Variants in GALNTL6 observed in about 807,000 individuals in gnomAD.
The protein encoded by GALNTL6 is polypeptide N-acetylgalactosaminyltransferase like 6.
Under a neutral mutation model 73.7 loss-of-function variants are expected in GALNTL6, and 46 were observed. That is an observed-to-expected ratio of 0.62 (90% CI 0.49 to 0.80). The LOEUF is 0.80. GALNTL6 is among the 30% of genes least tolerant of loss of function. GALNTL6 has a pLI of 0.00. For missense variants in GALNTL6, 604 were observed against 755.0 expected, an observed-to-expected ratio of 0.80 and a Z score of 2.34; for synonymous variants, 259 against 263.7, an observed-to-expected ratio of 0.98 and a Z score of 0.17.
intron 5 of GALNTL6, among the ~76,000 whole-genome samples, chr4:172,594,976 G>A (rs1452922183): frequency 1.3e-5 from 2 of 152,136 alleles, no homozygotes; most frequent in African/African-American, 4.8e-5. Flanking sequence ...TGGCCCCGTG[G>A]TTGAGTTCTG....
At chr4:172,052,355 C>A (rs1418875866) in intron 2 of GALNTL6, 1 of 885,974 alleles carries the variant, frequency 1.1e-6, no homozygotes, top group Non-Finnish European at 1.7e-6. Flanking sequence ...GGCTTGAACA[C>A]GCCCTTGAAG....
At chr4:172,235,234 A>T (rs2110979487) in intron 3 of GALNTL6, among the ~76,000 whole-genome samples, 1 of 151,818 alleles carries the variant, frequency 6.6e-6, no homozygotes, top group East Asian at 1.9e-4. Context: ...TTGAGATAGA[A>T]TTTCACTCTG....
chr4:172,250,384 G>A lies in GALNTL6; in HGVS notation c.247+20620G>A, dbSNP rs966863622. Among the ~76,000 whole-genome samples the A allele has an allele frequency of 2.2e-4, 33 of 152,184 alleles. 1 individual carries two copies. The highest frequency in any genetic ancestry group is 1.8e-3 in the Admixed American group (28 of 15,276). On this transcript the variant is annotated intron_variant, in intron 3 of 12. Coordinates refer to ENST00000506823, the MANE Select transcript of GALNTL6 (RefSeq NM_001034845.3). ...CTTGGACTTGGACTTTTGGGATAATGCTAGAATGAGTTGACTTTGGGGGAC... is the reference window on the plus strand; with the variant it reads ...CTTGGACTTGGACTTTTGGGATAATACTAGAATGAGTTGACTTTGGGGGAC...
chr4:172,113,868 T>C (rs1023097797), intron 2 of GALNTL6, among the ~76,000 whole-genome samples: 1 of 152,100 alleles, frequency 6.6e-6, no homozygotes, highest in African/African-American at 2.4e-5. Flanking sequence ...TGTATTTTCC[T>C]TGTTAAATGT....
Position 171,987,278 on chromosome 4 carries a change from G to A in GALNTL6, c.138+172560G>A, listed in dbSNP as rs1229636320. Among the ~76,000 whole-genome samples the A allele has an allele frequency of 2.0e-5, 3 of 152,154 alleles. 1 individual carries two copies. Among genetic ancestry groups the A allele is most frequent in the Non-Finnish European group, 4.4e-5 (3 of 68,030 alleles). ...CATTCTACTTTTCCTGAAGACGGAG[G>A]ACCGTAAGGGATATAAAGGTTTGAC... On this transcript the variant is annotated intron_variant, in intron 2 of 12. Transcript: ENST00000506823.
intron 5 of GALNTL6, among the ~76,000 whole-genome samples, chr4:172,612,825 T>C (rs1738579416): frequency 2.0e-5 from 3 of 152,168 alleles, no homozygotes. Flanking sequence ...TGCTTTCAAA[T>C]ATTGTTAAGC....
chr4:172,894,305 G>C (rs960082836), intron 8 of GALNTL6, among the ~76,000 whole-genome samples: 1 of 151,918 alleles, frequency 6.6e-6, no homozygotes, highest in Non-Finnish European at 1.5e-5. Flanking sequence ...AGTATTTGAA[G>C]TTTGTCTATT....
chr4:172,698,253 G>A (rs1412769382), intron 5 of GALNTL6, among the ~76,000 whole-genome samples: 3 of 151,974 alleles, frequency 2.0e-5, no homozygotes, highest in Non-Finnish European at 2.9e-5. Context: ...AGCCTGCCCG[G>A]TATTCAGAGC....
At chr4:172,734,257 T>C (rs1736320190) in intron 5 of GALNTL6, among the ~76,000 whole-genome samples, 1 of 152,194 alleles carries the variant, frequency 6.6e-6, no homozygotes, top group Admixed American at 6.5e-5. Context: ...AGCCTGCTGA[T>C]GCAGTAGAAA....
chr4:172,583,783 G>T lies in GALNTL6; in HGVS notation c.554-225578G>T, dbSNP rs1344194282. The stretch of plus-strand genomic sequence containing the variant: ...GGGGTGGCACACGCCTGTAATCCCA[G>T]CTACTCAGGAGGCTGAGGCAGGAGA... On this transcript the variant is annotated intron_variant, in intron 5 of 12. Transcript: ENST00000506823. Among the ~76,000 whole-genome samples, 4 of 150,714 alleles carry T rather than the reference G, an allele frequency of 2.7e-5. No individual in the cohort carries two copies. In the East Asian group the frequency reaches 7.8e-4, roughly 30 times the overall value.
At chr4:172,967,685 G>A (rs1448844435) in intron 10 of GALNTL6, among the ~76,000 whole-genome samples, 5 of 152,138 alleles carry the variant, frequency 3.3e-5, no homozygotes, top group Non-Finnish European at 4.4e-5. Flanking sequence ...TCATTATAAT[G>A]TAGTGCTATA....
At chr4:172,252,889 GA>G (rs975633215) in intron 3 of GALNTL6, among the ~76,000 whole-genome samples, 19 of 148,002 alleles carry the variant, frequency 1.3e-4, no homozygotes, top group South Asian at 4.3e-4. Flanking sequence ...AAAGATTAAG[GA>G]AAAAAAAACA....
chr4:172,227,413 C>T (rs572520902), intron 2 of GALNTL6, among the ~76,000 whole-genome samples: 1 of 152,300 alleles, frequency 6.6e-6, no homozygotes, highest in African/African-American at 2.4e-5. Context: ...GGCCTGAGAA[C>T]ATACCATTGA....
chr4:172,156,064 T>C (rs778582672), intron 2 of GALNTL6, among the ~76,000 whole-genome samples: 2 of 151,994 alleles, frequency 1.3e-5, no homozygotes, highest in African/African-American at 2.4e-5. Flanking sequence ...CAGGCTGTTT[T>C]AACGAGCGCC....
chr4:171,828,194 A>G (rs1734874965), intron 2 of GALNTL6, among the ~76,000 whole-genome samples: 1 of 152,352 alleles, frequency 6.6e-6, no homozygotes, highest in East Asian at 1.9e-4. Flanking sequence ...CAGGAATTTC[A>G]TAGCCACTCC....
intron 2 of GALNTL6, among the ~76,000 whole-genome samples, chr4:172,080,616 T>C (rs1731851859): frequency 6.6e-6 from 1 of 151,792 alleles, no homozygotes; most frequent in Non-Finnish European, 1.5e-5. Context: ...GTATACAAAA[T>C]ATTTAAATAT....
chr4:172,987,616 C>T (rs2126447351), intron 10 of GALNTL6, among the ~76,000 whole-genome samples: 1 of 152,304 alleles, frequency 6.6e-6, no homozygotes, highest in Non-Finnish European at 1.5e-5. Flanking sequence ...ACCCTAATCT[C>T]ATGTTGAATT....
chr4:172,425,505 A>G (rs1731195296), intron 5 of GALNTL6, among the ~76,000 whole-genome samples: 1 of 152,080 alleles, frequency 6.6e-6, no homozygotes, highest in South Asian at 2.1e-4. Context: ...ACACTGAGAA[A>G]TGGGGAACAA....
At chr4:172,473,700 T>C (rs866579352) in intron 5 of GALNTL6, among the ~76,000 whole-genome samples, 31 of 152,220 alleles carry the variant, frequency 2.0e-4, no homozygotes, top group Non-Finnish European at 2.9e-5. Flanking sequence ...TTTCCTCTTC[T>C]TTACCTCTTC....
Sources: gnomAD v4.1 joint callset for allele counts (sites outside exome capture counted in the v4.1 genomes callset) on GRCh38, gnomAD v4.1.1 for gene constraint, MANE v1.5 for transcripts, NCBI Gene and HGNC (gene_info 2026-07-23, HGNC 2026-07-21) for gene names.